AP3M2: variants seen among roughly 807,000 people sequenced by gnomAD.
The protein encoded by AP3M2 is adaptor related protein complex 3 subunit mu 2, also known as AP-3 complex subunit mu-2.
In AP3M2, 28 loss-of-function variants were observed where a neutral mutation model predicts 41.6. That is an observed-to-expected ratio of 0.67 (90% CI 0.50 to 0.92). AP3M2 has a LOEUF of 0.92. AP3M2 is among the 40% of genes least tolerant of loss of function. The pLI is 0.00. For synonymous variants in AP3M2, 193 were observed against 186.4 expected (o/e 1.04, Z -0.29); for missense variants, 427 against 521.4 (o/e 0.82, Z 1.76).
rs1048015107 is a variant in AP3M2 at position 42,170,669 on chromosome 8, T to G, written c.*1608T>G. ...CTGCAGAGTTGTGTTGCTTTGTGATTTTCCTCTGGGATAGTGTACTGTACA... is the reference window on the plus strand; with the variant it reads ...CTGCAGAGTTGTGTTGCTTTGTGATGTTCCTCTGGGATAGTGTACTGTACA... On this transcript the variant is annotated 3_prime_UTR_variant, in exon 9 of 9. Transcript: ENST00000396926. The G allele has an allele frequency of 2.0e-5, 3 of 152,360 alleles. No individual in the cohort carries two copies. The East Asian group carries it at 5.8e-4, about 29-fold the overall frequency. 9.4% of individuals were successfully genotyped at this position (152,360 alleles called of 1,614,324 possible).
chr8:42,165,767 T>C (rs912346588), intron 6 of AP3M2: 2 of 523,530 alleles, frequency 3.8e-6, no homozygotes, highest in Admixed American at 7.2e-5. Flanking sequence ...AAAAGTGCCT[T>C]GTTCTGAAGA....
chr8:42,169,965 AAGAG>A lies in AP3M2; in HGVS notation c.*907_*910del, dbSNP rs1158364206. ...TCCTTCTACAGGATTTTTAAAAAGT[AAGAG>A]AGTTTCAGAGAAGCCGATCCCATAA... On this transcript the variant is annotated 3_prime_UTR_variant, in exon 9 of 9. Coordinates refer to ENST00000396926, the MANE Select transcript of AP3M2 (RefSeq NM_006803.4). 3.3e-5 allele frequency: 5 copies of A among 152,320 alleles called. No individual in the cohort carries two copies. Among genetic ancestry groups the A allele is most frequent in the African/African-American group, 1.2e-4 (5 of 41,570 alleles). 9.4% of individuals were successfully genotyped at this position (152,320 alleles called of 1,614,324 possible).
In AP3M2 at chr8:42,154,875, A is replaced by G; in HGVS notation, c.188A>G (p.Lys63Arg). The G allele has an allele frequency of 1.2e-6, 2 of 1,614,170 alleles. No homozygotes were observed. Among genetic ancestry groups the G allele is most frequent in the South Asian group, 1.1e-5 (1 of 91,080 alleles). The part of the protein sequence containing the change: ...HHYLLSVYRH[K>R]IFFVAVIQTE... ...TATCTCTTAAGTGTTTACCGCCACA[A>G]GATCTTTTTTGTGGCCGTGATCCAG... Residue 63 changes from lysine to arginine, a missense_variant, in exon 2 of 9, where the codon AAG (lysine) becomes AGG (arginine). Around this residue, in one of 3 missense-constraint regions of AP3M2, gnomAD observed 104 missense variants for 93.8 expected, o/e 1.11. Transcript: ENST00000396926.
chr8:42,159,025 C>A (rs1290029533), intron 3 of AP3M2, among the ~76,000 whole-genome samples: 1 of 152,160 alleles, frequency 6.6e-6, no homozygotes, highest in Middle Eastern at 3.2e-3. Flanking sequence ...TAATGCCTGA[C>A]CTCAAGTGAT....
chr8:42,156,912 T>G, intron 2 of AP3M2, among the ~76,000 whole-genome samples: 1 of 152,224 alleles, frequency 6.6e-6, no homozygotes, highest in East Asian at 1.9e-4. Context: ...AGGGCTGTTA[T>G]GTACACTTGC....
chr8:42,168,984 A>G lies in AP3M2; in HGVS notation c.1180A>G (p.Met394Val). 5.6e-6 allele frequency: 9 copies of G among 1,608,204 alleles called. No individual in the cohort carries two copies. The highest frequency in any genetic ancestry group is 7.6e-6 in the Non-Finnish European group (9 of 1,177,710). Reference protein sequence around the residue: ...ISGLKVNRLDMYGEKYKPFKG... With the variant: ...ISGLKVNRLDVYGEKYKPFKG... ...AGGACTCAAGGTGAATCGTCTGGAT[A>G]TGTATGGAGAAAAGTACAAACCCTT... is the stretch of plus-strand genomic sequence containing the variant. The change falls in exon 9 of 9, where the codon ATG becomes GTG. Residue 394 changes from methionine to valine, a missense_variant. Physicochemically the swap from Met to Val is conservative, Grantham distance 21 (BLOSUM62 1). This residue lies in a region of AP3M2 where 237 missense variants were observed against 284.9 expected (regional missense o/e 0.83). Coordinates refer to ENST00000396926, the MANE Select transcript of AP3M2 (RefSeq NM_006803.4).
Position 42,155,808 on chromosome 8 carries a change from T to C in AP3M2, c.273+848T>C, listed in dbSNP as rs1307005019. ...GGTCTGGAATGAGTCATATGAACAC[T>C]GGAATTGTGGAATTGGAGAAGAGAA... On this transcript the variant is annotated intron_variant, in intron 2 of 8. Coordinates refer to ENST00000396926, the MANE Select transcript of AP3M2 (RefSeq NM_006803.4). 5 of 329,164 alleles carry C rather than the reference T, an allele frequency of 1.5e-5. No homozygotes were observed. In the East Asian group the frequency reaches 4.1e-4, roughly 27 times the overall value. 20.4% of individuals were successfully genotyped at this position (329,164 alleles called of 1,614,324 possible). A position where few individuals can be genotyped will look rare whatever the true frequency, so the allele number is the denominator to read the frequency against.
At chr8:42,168,760 A>G (rs927542397) in intron 8 of AP3M2, among the ~76,000 whole-genome samples, 1 of 152,128 alleles carries the variant, frequency 6.6e-6, no homozygotes, top group Non-Finnish European at 1.5e-5. Flanking sequence ...AGGTCTTCTC[A>G]TAGGTAGCTT....
At chr8:42,156,264 G>A (rs1488807277) in intron 2 of AP3M2, among the ~76,000 whole-genome samples, 1 of 152,220 alleles carries the variant, frequency 6.6e-6, no homozygotes, top group Non-Finnish European at 1.5e-5. Context: ...AAACCATGGG[G>A]GAATTTGGGA....
At position 42,159,941 on chromosome 8, in the gene AP3M2, A is replaced by G. The variant is rs1275495343; in HGVS notation, c.445+1829A>G. On this transcript the variant is annotated intron_variant, in intron 3 of 8. Coordinates refer to ENST00000396926, the MANE Select transcript of AP3M2 (RefSeq NM_006803.4). ...TAAGTTTGTATAGTACACAAGACAAATATTCATACAGTAGACATCCTACAA... is the reference window on the plus strand; with the variant it reads ...TAAGTTTGTATAGTACACAAGACAAGTATTCATACAGTAGACATCCTACAA... 2.6e-5 allele frequency among the ~76,000 whole-genome samples: 4 copies of G among 152,236 alleles called. No individual in the cohort carries two copies. The South Asian group carries it at 6.2e-4, about 24-fold the overall frequency.
chr8:42,170,572 C>T lies in AP3M2; in HGVS notation c.*1511C>T, dbSNP rs542563706. The T allele has an allele frequency of 6.6e-6, 1 of 152,342 alleles. No individual in the cohort carries two copies. Among genetic ancestry groups the T allele is most frequent in the Admixed American group, 6.5e-5 (1 of 15,310 alleles). 9.4% of individuals were successfully genotyped at this position (152,342 alleles called of 1,614,324 possible). On this transcript the variant is annotated 3_prime_UTR_variant, in exon 9 of 9. Coordinates refer to ENST00000396926, the MANE Select transcript of AP3M2 (RefSeq NM_006803.4). ...AAAGGAAGACCCGTACTCTCCACAC[C>T]CTAGAGCTTTTCTCTAAATATTGTG...
rs199984902 is a variant in AP3M2, at chr8:42,158,123, G to A, written c.445+11G>A. The A allele has an allele frequency of 8.3e-5, 134 of 1,609,878 alleles. No homozygotes were observed. In the Middle Eastern group the frequency reaches 2.8e-3, roughly 34 times the overall value. Reference sequence around the variant, plus strand: ...TCAACACCATCACAGGTACGGCAGAGGGGGAAACTGATAGATAGTGGCCAT... The same window carrying A: ...TCAACACCATCACAGGTACGGCAGAAGGGGAAACTGATAGATAGTGGCCAT... On this transcript the variant is annotated intron_variant, in intron 3 of 8. Transcript: ENST00000396926.
chr8:42,169,108 T>TA lies in AP3M2; in HGVS notation c.*48dup, dbSNP rs1211919370. 1 of 1,507,280 alleles carries TA rather than the reference T, an allele frequency of 6.6e-7. No homozygotes were observed. The highest frequency in any genetic ancestry group is 1.4e-5 in the African/African-American group (1 of 71,424). The allele number at this position is 1,507,280 out of a possible 1,614,324, so 93.4% of individuals were successfully genotyped here. A position where few individuals can be genotyped will look rare whatever the true frequency, so the allele number is the denominator to read the frequency against. ...TAGTCTTGCACATTTTTTCATTTCT[T>TA]ACTTGTCTAAAAGTAAAAAAAAATA... On this transcript the variant is annotated 3_prime_UTR_variant, in exon 9 of 9. Transcript: ENST00000396926.
In AP3M2 at chr8:42,165,408, C is replaced by T. The variant is rs2150960158; in HGVS notation, c.670-19C>T. Reference sequence around the variant, plus strand: ...TGTTTAATGCCCACTTCTTGCTTCTCCTCTCCTGATGACTGTAGAACCCTA... The same window carrying T: ...TGTTTAATGCCCACTTCTTGCTTCTTCTCTCCTGATGACTGTAGAACCCTA... On this transcript the variant is annotated intron_variant, in intron 5 of 8. Transcript: ENST00000396926. The T allele has an allele frequency of 6.2e-7, 1 of 1,612,140 alleles. No homozygotes were observed. The highest frequency in any genetic ancestry group is 2.2e-5 in the East Asian group (1 of 44,874).
chr8:42,153,952 G>A (rs1017851349), intron 1 of AP3M2: 1 of 152,058 alleles, frequency 6.6e-6, no homozygotes, highest in East Asian at 1.9e-4. Context: ...AATTGTACAT[G>A]TTCTGGTAAC....
chr8:42,162,819 G>A (rs534002097), intron 4 of AP3M2, among the ~76,000 whole-genome samples: 10 of 151,702 alleles, frequency 6.6e-5, no homozygotes, highest in African/African-American at 2.2e-4. Context: ...AGTTGTGCAT[G>A]CCTGTATTCC....
chr8:42,157,782 C>T (rs1035426358), intron 2 of AP3M2, among the ~76,000 whole-genome samples, 159 bp from the exon 3 acceptor site: 1 of 151,954 alleles, frequency 6.6e-6, no homozygotes, highest in Non-Finnish European at 1.5e-5. Flanking sequence ...AACAGACTGC[C>T]TAAGAGAACT....
intron 3 of AP3M2, among the ~76,000 whole-genome samples, chr8:42,161,746 A>G (rs1804511673): frequency 6.6e-6 from 1 of 152,238 alleles, no homozygotes; most frequent in Non-Finnish European, 1.5e-5. Flanking sequence ...AAAGGAAAAA[A>G]CAAGTGAAGG....
intron 3 of AP3M2, among the ~76,000 whole-genome samples, chr8:42,158,515 C>T (rs1804420828): frequency 6.6e-6 from 1 of 152,130 alleles, no homozygotes; most frequent in Non-Finnish European, 1.5e-5. Flanking sequence ...TCCCAAAGTG[C>T]TGGGATTACA....
Sources: gnomAD v4.1 joint callset for allele counts (sites outside exome capture counted in the v4.1 genomes callset) on GRCh38, gnomAD v4.1.1 for gene constraint, gnomAD v4.1.1 regional missense constraint, MANE v1.5 for transcripts, NCBI Gene and HGNC (gene_info 2026-07-23, HGNC 2026-07-21) for gene names.